ZFPM1: variants seen among roughly 807,000 people sequenced by gnomAD.
The protein encoded by ZFPM1 is zinc finger protein ZFPM1.
Under a neutral mutation model 46.3 loss-of-function variants are expected in ZFPM1, and 28 were observed. The observed-to-expected ratio is 0.60, with a 90% confidence interval of 0.45 to 0.83. The LOEUF is 0.83. Ranked by LOEUF, ZFPM1 falls within the 40% of genes least tolerant of loss-of-function variation. ZFPM1 has a pLI of 0.00. For missense variants in ZFPM1, 1,878 were observed against 1,432.4 expected, an observed-to-expected ratio of 1.31 and a Z score of -5.02; for synonymous variants, 957 against 675.9, an observed-to-expected ratio of 1.42 and a Z score of -6.45.
chr16:88,452,216 C>G (rs1029641037), upstream of ZFPM1, among the ~76,000 whole-genome samples: 1 of 152,196 alleles, frequency 6.6e-6, no homozygotes, highest in African/African-American at 2.4e-5. Flanking sequence ...GGGACAGCCC[C>G]CCAATGCGTG....
chr16:88,495,336 T>C (rs967323478), intron 3 of ZFPM1, among the ~76,000 whole-genome samples: 1 of 152,192 alleles, frequency 6.6e-6, no homozygotes, highest in African/African-American at 2.4e-5. Flanking sequence ...TCCCCTCCCC[T>C]GGAACAGGCC....
intron 3 of ZFPM1, 92 bp downstream of exon 3, chr16:88,489,245 T>C: frequency 6.8e-7 from 1 of 1,472,950 alleles, no homozygotes; most frequent in Non-Finnish European, 9.0e-7. Flanking sequence ...CTGGGGCAGG[T>C]GTGCAGGTTG....
chr16:88,531,915 C>CA, intron 6 of ZFPM1, 87 bp from the exon 7 acceptor site: 2 of 1,348,922 alleles, frequency 1.5e-6, no homozygotes, highest in Non-Finnish European at 2.0e-6. Context: ...TGGGGTCCGT[C>CA]ACGGCCAGGC....
intron 6 of ZFPM1, among the ~76,000 whole-genome samples, chr16:88,528,670 C>T (rs539732701): frequency 1.6e-4 from 24 of 152,334 alleles, no homozygotes; most frequent in African/African-American, 4.6e-4. Context: ...GCCCTGGCCC[C>T]GGCCCACTAG....
Position 88,469,906 on chromosome 16 carries a change from G to A in ZFPM1, c.41-16033G>A, listed in dbSNP as rs191331539. ...GGTGAGGGTCAGAGGTGCGTGCCCA[G>A]CCCAGAGGATCTCCCCACGCAGCCC... On this transcript the variant is annotated intron_variant, in intron 1 of 9. Coordinates refer to ENST00000319555, the MANE Select transcript of ZFPM1 (RefSeq NM_153813.3). The surrounding 1 kb of genome is among the most constrained non-coding windows in gnomAD (Gnocchi z 4.3). Among the ~76,000 whole-genome samples, 2 of 152,208 alleles carry A rather than the reference G, an allele frequency of 1.3e-5. No individual in the cohort carries two copies. Among genetic ancestry groups the A allele is most frequent in the East Asian group, 3.9e-4 (2 of 5,154 alleles).
At chr16:88,462,031 T>A (rs935434381) in intron 1 of ZFPM1, among the ~76,000 whole-genome samples, 1 of 152,096 alleles carries the variant, frequency 6.6e-6, no homozygotes, top group Admixed American at 6.5e-5. Context: ...CCCCATCTCC[T>A]CCTCCCTCCC....
chr16:88,502,044 G>A (rs996824888), intron 3 of ZFPM1, among the ~76,000 whole-genome samples: 3 of 133,710 alleles, frequency 2.2e-5, no homozygotes, highest in Non-Finnish European at 4.7e-5. Context: ...CACCCCCGAC[G>A]CGGCTCCACC....
At chr16:88,462,704 G>A (rs1393669402) in intron 1 of ZFPM1, among the ~76,000 whole-genome samples, 4 of 152,174 alleles carry the variant, frequency 2.6e-5, no homozygotes, top group Admixed American at 2.6e-4. Flanking sequence ...TGTCATTATA[G>A]GGAGGTTACC....
intron 4 of ZFPM1, among the ~76,000 whole-genome samples, chr16:88,518,137 G>A (rs1010324727): frequency 5.3e-5 from 8 of 152,174 alleles, no homozygotes; most frequent in African/African-American, 7.2e-5. Flanking sequence ...CCCGGGAGGC[G>A]GAGCTTGCGG....
At chr16:88,511,988 C>T (rs1006503370) in intron 3 of ZFPM1, among the ~76,000 whole-genome samples, 6 of 152,244 alleles carry the variant, frequency 3.9e-5, no homozygotes, top group Non-Finnish European at 7.3e-5. Context: ...GCCCAGCCCC[C>T]GGCCATCCCT....
chr16:88,509,189 G>C (rs774416123), intron 3 of ZFPM1, among the ~76,000 whole-genome samples: 9 of 152,244 alleles, frequency 5.9e-5, no homozygotes, highest in Non-Finnish European at 8.8e-5. Context: ...TCAGCCTGGG[G>C]TTTTTCCTTC....
rs1913115490 is a variant in ZFPM1, at chr16:88,534,466, G to A, written c.2508G>A (p.Lys836=). The change falls in exon 10 of 10, where the codon AAG becomes AAA. Residue 836 remains lysine, a synonymous_variant. Transcript: ENST00000319555. Reference sequence around the variant, plus strand: ...GCCTCGAGGCCTACCTGGCGCACAAGAAGTACTCGTGCCCCGCTGCGCCAC... The same window carrying A: ...GCCTCGAGGCCTACCTGGCGCACAAAAAGTACTCGTGCCCCGCTGCGCCAC... ...FHSLEAYLAH[K]KYSCPAAPPP... 1 of 1,494,708 alleles carries A rather than the reference G, an allele frequency of 6.7e-7. No individual in the cohort carries two copies. Among genetic ancestry groups the A allele is most frequent in the Non-Finnish European group, 8.9e-7 (1 of 1,129,196 alleles). The allele number at this position is 1,494,708 out of a possible 1,614,324, so 92.6% of individuals were successfully genotyped here. A position where few individuals can be genotyped will look rare whatever the true frequency, so the allele number is the denominator to read the frequency against.
chr16:88,520,423 G>GTGGA (rs1235897332), intron 4 of ZFPM1, among the ~76,000 whole-genome samples: 1 of 150,324 alleles, frequency 6.7e-6, no homozygotes, highest in African/African-American at 2.5e-5. Flanking sequence ...GGGTGAATGG[G>GTGGA]TGGATAGATG....
rs1220193781 is a variant in ZFPM1, at chr16:88,480,960, C to T, written c.41-4979C>T. ...GACTTGGAAGGGAGCTGGGATCATC[C>T]CGCTGCACAGAGCCAGCTCCATAAT... On this transcript the variant is annotated intron_variant, in intron 1 of 9. Coordinates refer to ENST00000319555, the MANE Select transcript of ZFPM1 (RefSeq NM_153813.3). The surrounding 1 kb of genome is among the most constrained non-coding windows in gnomAD (Gnocchi z 4.9). 1.3e-5 allele frequency among the ~76,000 whole-genome samples: 2 copies of T among 152,258 alleles called. No individual in the cohort carries two copies. Among genetic ancestry groups the T allele is most frequent in the African/African-American group, 4.8e-5 (2 of 41,462 alleles).
intron 7 of ZFPM1, 31 bp from the exon 8 acceptor site, chr16:88,532,583 G>C (rs572292391): frequency 6.5e-7 from 1 of 1,546,136 alleles, no homozygotes; most frequent in African/African-American, 1.4e-5. Context: ...AAGCTGGCCC[G>C]GGCACCGCTC....
In ZFPM1 at chr16:88,534,674, C is replaced by G. The variant is rs555135252; in HGVS notation, c.2716C>G (p.Pro906Ala). ...ADRGPSPAPA[P>A]AASPQPGSRG... is the part of the protein sequence containing the mutation. ...CCGCGGCCCCTCGCCCGCTCCCGCC[C>G]CCGCCGCCTCCCCGCAGCCCGGGTC... The change falls in exon 10 of 10, where the codon CCC becomes GCC. Residue 906 changes from proline to alanine, a missense_variant. Physicochemically the swap from Pro to Ala is conservative, Grantham distance 27. Coordinates refer to ENST00000319555, the MANE Select transcript of ZFPM1 (RefSeq NM_153813.3). 1 of 993,054 alleles carries G rather than the reference C, an allele frequency of 1.0e-6. No individual in the cohort carries two copies. The highest frequency in any genetic ancestry group is 1.2e-6 in the Non-Finnish European group (1 of 836,670). The allele number at this position is 993,054 out of a possible 1,614,324, so 61.5% of individuals were successfully genotyped here. A position where few individuals can be genotyped will look rare whatever the true frequency, so the allele number is the denominator to read the frequency against.
chr16:88,490,464 G>T (rs1418992291), intron 3 of ZFPM1, among the ~76,000 whole-genome samples: 2 of 152,224 alleles, frequency 1.3e-5, no homozygotes, highest in Admixed American at 6.5e-5. Flanking sequence ...TCTGTGGAGA[G>T]AAGATGCATG....
In ZFPM1 at chr16:88,471,169, C is replaced by T. The variant is rs1908401320; in HGVS notation, c.41-14770C>T. Among the ~76,000 whole-genome samples, 1 of 152,236 alleles carries T rather than the reference C, an allele frequency of 6.6e-6. No individual in the cohort carries two copies. Among genetic ancestry groups the T allele is most frequent in the South Asian group, 2.1e-4 (1 of 4,834 alleles). Reference sequence around the variant, plus strand: ...ATAGATAGACCAGACTTTTCCTCTCCACTTACTCCGCCCTGACCGCGATGG... The same window carrying T: ...ATAGATAGACCAGACTTTTCCTCTCTACTTACTCCGCCCTGACCGCGATGG... On this transcript the variant is annotated intron_variant, in intron 1 of 9. Transcript: ENST00000319555. The surrounding 1 kb of genome is among the most constrained non-coding windows in gnomAD (Gnocchi z 4.1).
intron 3 of ZFPM1, among the ~76,000 whole-genome samples, chr16:88,506,988 C>T (rs575505582): frequency 3.3e-5 from 5 of 152,340 alleles, no homozygotes; most frequent in South Asian, 4.1e-4. Context: ...GCCACTGCTG[C>T]GAGTGAGGGC....
Sources: allele counts gnomAD v4.1 joint callset (sites outside exome capture counted in the v4.1 genomes callset), GRCh38; gene constraint gnomAD v4.1.1; non-coding constraint Gnocchi (gnomAD v3.1); transcripts MANE v1.5; gene names NCBI Gene and HGNC (gene_info 2026-07-23, HGNC 2026-07-21).